Variants in CIC observed in about 807,000 individuals in gnomAD.
The protein encoded by CIC is capicua transcriptional repressor.
A neutral mutation model predicts 115.7 loss-of-function variants in CIC; 18 were observed. That is an observed-to-expected ratio of 0.16 (90% CI 0.11 to 0.23). CIC has a LOEUF of 0.23. Among genes scored for constraint, CIC ranks in the 10% least tolerant of loss-of-function variants. The pLI is 1.00. For missense variants in CIC, 2,000 were observed against 2,159.3 expected (o/e 0.93, Z 1.46); for synonymous variants, 1,076 against 923.0 (o/e 1.17, Z -3.01).
At chr19:42,284,563 G>C (rs1279400892) in intron 2 of CIC, 1 of 289,124 alleles carries the variant, frequency 3.5e-6, no homozygotes, top group Non-Finnish European at 6.1e-6. Flanking sequence ...CCGGAGGGGG[G>C]CGGCGGGGGG....
intron 2 of CIC, among the ~76,000 whole-genome samples, chr19:42,281,068 C>T (rs1044702090): frequency 6.6e-6 from 1 of 150,450 alleles, no homozygotes; most frequent in Admixed American, 6.6e-5. Flanking sequence ...CCATCCTTGC[C>T]GAGCCGCGCC....
chr19:42,286,697 G>C, intron 2 of CIC, 74 bp from the exon 3 acceptor site: 1 of 1,602,350 alleles, frequency 6.2e-7, no homozygotes, highest in Admixed American at 1.7e-5. Context: ...ACCTCATCTA[G>C]GGTGGGGAAG....
chr19:42,286,735 C>G (rs753170028), intron 2 of CIC, 36 bp from the exon 3 acceptor site: 7 of 1,613,310 alleles, frequency 4.3e-6, no homozygotes, highest in East Asian at 2.2e-5. Flanking sequence ...GGGCCAGGCT[C>G]TCCTGCTGCA....
chr19:42,291,336 T>C lies in CIC; in HGVS notation c.5295T>C (p.Pro1765=), dbSNP rs1202908082. The C allele has an allele frequency of 1.2e-6, 2 of 1,612,590 alleles. No homozygotes were observed. The highest frequency in any genetic ancestry group is 2.2e-5 in the East Asian group (1 of 44,880). The change falls in exon 11 of 21, where the codon CCT becomes CCC. Residue 1765 remains proline, a synonymous_variant. Coordinates refer to ENST00000681038, the MANE Select transcript of CIC (RefSeq NM_001386298.1). ...PGTKAAAPSG[P]APTTSIRFTL... ...CCAAGGCAGCGGCTCCCAGCGGCCC[T>C]GCACCCACCACCAGCATCCGTTTCA...
At position 42,272,869 on chromosome 19, in the gene CIC, G is replaced by T; in HGVS notation, c.1086G>T (p.Glu362Asp). 2.5e-6 allele frequency: 1 copy of T among 399,418 alleles called. No homozygotes were observed. Among genetic ancestry groups the T allele is most frequent in the Middle Eastern group, 6.3e-4 (1 of 1,592 alleles). The allele number at this position is 399,418 out of a possible 1,614,324, so 24.7% of individuals were successfully genotyped here. A position where few individuals can be genotyped will look rare whatever the true frequency, so the allele number is the denominator to read the frequency against. The change falls in exon 2 of 21, where the codon GAG becomes GAT. Residue 362 changes from glutamate to aspartate, a missense_variant. This residue lies in a region of CIC where 222 missense variants were observed against 247.7 expected (regional missense o/e 0.90). Coordinates refer to ENST00000681038, the MANE Select transcript of CIC (RefSeq NM_001386298.1). Reference sequence around the variant, plus strand: ...CAGGCCCTGAGGAAGAGCAGGCAGAGCCTGGGGCCACCCTGCCACCCTGCC... The same window carrying T: ...CAGGCCCTGAGGAAGAGCAGGCAGATCCTGGGGCCACCCTGCCACCCTGCC... ...PPTGPEEEQA[E>D]PGATLPPCPA...
Position 42,284,731 on chromosome 19 carries a change from G to A in CIC, c.2795-2040G>A, listed in dbSNP as rs918165496. ...TGTATTCGGCCCACAGGCCCCTGAT[G>A]CCCGCGTCCAGCGCGGCCTCCCGTG... On this transcript the variant is annotated intron_variant, in intron 2 of 20. Coordinates refer to ENST00000681038, the MANE Select transcript of CIC (RefSeq NM_001386298.1). 38 of 1,556,702 alleles carry A rather than the reference G, an allele frequency of 2.4e-5. No homozygotes were observed. In the African/African-American group the frequency reaches 5.1e-4, roughly 21 times the overall value.
At chr19:42,289,548 C>T (rs777096765) in intron 9 of CIC, 142 bp downstream of exon 9, 19 of 1,002,656 alleles carry the variant, frequency 1.9e-5, no homozygotes, top group Non-Finnish European at 2.7e-5. Flanking sequence ...AGTTCAGGCC[C>T]TGCCGAGTAA....
At position 42,292,741 on chromosome 19, in the gene CIC, C is replaced by T. The variant is rs1275674347; in HGVS notation, c.6078C>T (p.Ser2026=). The T allele has an allele frequency of 1.9e-6, 3 of 1,613,642 alleles. No homozygotes were observed. The African/African-American group carries it at 4.0e-5, about 22-fold the overall frequency. Residue 2026 remains serine, a synonymous_variant, in exon 15 of 21, where the codon AGC becomes AGT. Coordinates refer to ENST00000681038, the MANE Select transcript of CIC (RefSeq NM_001386298.1). ...PLAQPSQAPP[S]LVYTVATSTT... is the part of the protein sequence containing the mutation. ...CCCAGCCATCCCAGGCCCCCCCAAG[C>T]CTGGTCTACACTGTGGCCACCAGCA... is the stretch of plus-strand genomic sequence containing the variant.
chr19:42,294,785 C>T (rs2147352690), intron 20 of CIC, 39 bp from the exon 21 acceptor site: 2 of 1,608,752 alleles, frequency 1.2e-6, no homozygotes, highest in South Asian at 1.1e-5. Flanking sequence ...CTTATCTGTA[C>T]ATCTCATCCT....
chr19:42,274,929 T>C (rs1431718444), intron 2 of CIC, among the ~76,000 whole-genome samples: 4 of 152,186 alleles, frequency 2.6e-5, no homozygotes, highest in Non-Finnish European at 5.9e-5. Context: ...GGCGAGGGCA[T>C]TGCCATGGTA....
intron 16 of CIC, 60 bp from the exon 17 acceptor site, chr19:42,293,531 TG>T: frequency 6.2e-7 from 1 of 1,611,448 alleles, no homozygotes; most frequent in Non-Finnish European, 8.5e-7. Context: ...TCTTTGTTTC[TG>T]GCCTTTGCCC....
rs764390626 is a variant in CIC at position 42,290,233 on chromosome 19, G to A, written c.4192G>A (p.Gly1398Ser). 3 of 1,614,062 alleles carry A rather than the reference G, an allele frequency of 1.9e-6. No individual in the cohort carries two copies. In the South Asian group the frequency reaches 3.3e-5, roughly 18 times the overall value. ...GGGTGTCTCCCTTCCTTTCATGCAG[G>A]GCTTTGGTCGGAAGGTGTTTTCACC... ...SSGEDPEGNK[G>S]FGRKVFSPVI... The change falls in exon 11 of 21, where the codon GGC (glycine) becomes AGC (serine). Residue 1398 changes from glycine to serine, a missense_variant and splice_region_variant. Gly to Ser is a moderately conservative substitution (Grantham distance 56). Transcript: ENST00000681038.
At chr19:42,279,238 A>C (rs2037113800) in intron 2 of CIC, among the ~76,000 whole-genome samples, 1 of 152,252 alleles carries the variant, frequency 6.6e-6, no homozygotes, top group Admixed American at 6.5e-5. Context: ...TGTTTCAAAC[A>C]GTGAACCCTA....
Position 42,284,812 on chromosome 19 carries a change from G to A in CIC, c.2795-1959G>A, listed in dbSNP as rs1461952677. 2.0e-6 allele frequency: 3 copies of A among 1,504,920 alleles called. No individual in the cohort carries two copies. In the Admixed American group the frequency reaches 5.9e-5, roughly 29 times the overall value. The allele number at this position is 1,504,920 out of a possible 1,614,324, so 93.2% of individuals were successfully genotyped here. On this transcript the variant is annotated intron_variant, in intron 2 of 20. Coordinates refer to ENST00000681038, the MANE Select transcript of CIC (RefSeq NM_001386298.1). ...GCCCTGGGACTGCAGGGGTCAAGGT[G>A]TCGGGGTGCTAAGTGCGGAGTAACG...
chr19:42,281,583 A>G (rs946453421), intron 2 of CIC, among the ~76,000 whole-genome samples: 7 of 152,114 alleles, frequency 4.6e-5, no homozygotes, highest in African/African-American at 1.7e-4. Context: ...ATGGCAAGAG[A>G]GTGGGAGCTG....
rs762480443 is a variant in CIC, at chr19:42,295,024, G to T, written c.7387G>T (p.Ala2463Ser). Reference sequence around the variant, plus strand: ...TGCCCCTGCCCCCACTCCCAGCCCCGCAGGGGGCCCTGACCCCACCTCACC... The same window carrying T: ...TGCCCCTGCCCCCACTCCCAGCCCCTCAGGGGGCCCTGACCCCACCTCACC... ...AAAPAPTPSPAGGPDPTSPSS... is the reference protein window; with the variant it reads ...AAAPAPTPSPSGGPDPTSPSS... Residue 2463 changes from alanine (A) to serine (S), a missense_variant, in exon 21 of 21, where the codon GCA (alanine) becomes TCA (serine). Physicochemically the swap from Ala to Ser is moderately conservative, Grantham distance 99. Coordinates refer to ENST00000681038, the MANE Select transcript of CIC (RefSeq NM_001386298.1). 5.2e-6 allele frequency: 8 copies of T among 1,530,232 alleles called. No homozygotes were observed. Among genetic ancestry groups the T allele is most frequent in the Admixed American group, 3.9e-5 (2 of 51,298 alleles). 94.8% of individuals were successfully genotyped at this position (1,530,232 alleles called of 1,614,324 possible).
chr19:42,280,725 TG>T lies in CIC; in HGVS notation c.2795-6041del, dbSNP rs2037196659. On this transcript the variant is annotated intron_variant, in intron 2 of 20. Coordinates refer to ENST00000681038, the MANE Select transcript of CIC (RefSeq NM_001386298.1). This position sits in a 1 kb window ranked among gnomAD's most constrained non-coding sequence, Gnocchi z 4.9. ...TTTGTGGAGCCTGCCGGGGGTTGGC[TG>T]GGGGCCAGGCGGCGAGTGGAAAATC... Among the ~76,000 whole-genome samples, 2 of 151,842 alleles carry T rather than the reference TG, an allele frequency of 1.3e-5. No homozygotes were observed. The highest frequency in any genetic ancestry group is 2.9e-5 in the Non-Finnish European group (2 of 67,924).
intron 10 of CIC, 80 bp from the exon 11 acceptor site, chr19:42,290,153 G>T: frequency 1.3e-6 from 2 of 1,597,060 alleles, no homozygotes; most frequent in Non-Finnish European, 8.6e-7. Context: ...TGGCTGACAG[G>T]CTGGATGGGC....
rs757669597 is a variant in CIC at position 42,291,420 on chromosome 19, T to C, written c.5379T>C (p.Pro1793=). 2 of 1,612,990 alleles carry C rather than the reference T, an allele frequency of 1.2e-6. No individual in the cohort carries two copies. Among genetic ancestry groups the C allele is most frequent in the Middle Eastern group, 1.7e-4 (1 of 6,060 alleles). ...GKVLAATAPT[P]GIPILQSVPS... is the part of the protein sequence containing the mutation. ...TCCTGGCTGCCACTGCACCCACTCC[T>C]GGCATCCCCATCCTGCAGTCTGTAC... Residue 1793 remains proline (P), a synonymous_variant, in exon 11 of 21, where the codon CCT becomes CCC. Transcript: ENST00000681038.
Sources: gnomAD v4.1 joint callset for allele counts (sites outside exome capture counted in the v4.1 genomes callset) on GRCh38, gnomAD v4.1.1 for gene constraint, gnomAD v4.1.1 regional missense constraint, Gnocchi (gnomAD v3.1) non-coding constraint, MANE v1.5 for transcripts, NCBI Gene and HGNC (gene_info 2026-07-23, HGNC 2026-07-21) for gene names.